Variants in TXNDC16 observed in about 807,000 individuals in gnomAD.
The protein encoded by TXNDC16 is thioredoxin domain-containing protein 16.
Under a neutral mutation model 85.6 loss-of-function variants are expected in TXNDC16, and 74 were observed. That is an observed-to-expected ratio of 0.86 (90% CI 0.72 to 1.05). The LOEUF is 1.05. TXNDC16 is among the 50% of genes least tolerant of loss of function. The pLI is 0.00. For missense variants in TXNDC16, 959 were observed against 947.0 expected (o/e 1.01, Z -0.17); for synonymous variants, 335 against 326.5 (o/e 1.03, Z -0.28).
chr14:52,440,652 C>T lies in TXNDC16; in HGVS notation c.1915G>A (p.Gly639Ser), dbSNP rs373540762. The change falls in exon 19 of 21, where the codon GGC (glycine) becomes AGC (serine). Residue 639 changes from glycine to serine, a missense_variant. Physicochemically the swap from Gly to Ser is moderately conservative, Grantham distance 56. Coordinates refer to ENST00000281741, the MANE Select transcript of TXNDC16 (RefSeq NM_020784.3). Reference protein sequence around the residue: ...QKPLLILFSDGTVNPQYKKAI... With the variant: ...QKPLLILFSDSTVNPQYKKAI... ...TTTTTATACTGAGGATTTACAGTGC[C>T]ATCACTGAACAAAATCAATAATGGT... The T allele has an allele frequency of 1.1e-5, 17 of 1,610,356 alleles. No individual in the cohort carries two copies. The African/African-American group carries it at 2.1e-4, about 20-fold the overall frequency.
At chr14:52,493,785 T>TC (rs1447760442) in intron 9 of TXNDC16, among the ~76,000 whole-genome samples, 1 of 149,496 alleles carries the variant, frequency 6.7e-6, no homozygotes, top group Non-Finnish European at 1.5e-5. Flanking sequence ...TAATTAAACT[T>TC]TTTTTTTTTC....
chr14:52,491,052 A>G, intron 9 of TXNDC16, 47 bp from the exon 10 acceptor site: 1 of 1,540,324 alleles, frequency 6.5e-7, no homozygotes, highest in Non-Finnish European at 8.7e-7. Flanking sequence ...CAATATTCCA[A>G]CATTTGGATT....
intron 14 of TXNDC16, among the ~76,000 whole-genome samples, chr14:52,477,116 A>G (rs1265509249): frequency 6.6e-6 from 1 of 152,158 alleles, no homozygotes; most frequent in Non-Finnish European, 1.5e-5. Flanking sequence ...TTTTCAGACA[A>G]ACAAATGCTG....
Position 52,432,349 on chromosome 14 carries a change from T to G in TXNDC16, c.2433A>C (p.Lys811Asn). ...NRSNWFKEAE[K>N]SFRRDKELGC... ...CTAACTCTTTATCACGTCTAAATGA[T>G]TTTTCTGCTTCTTTAAACCAATTAC... The change falls in exon 21 of 21, where the codon AAA becomes AAC. Residue 811 changes from lysine (K) to asparagine (N), a missense_variant. Physicochemically the swap from Lys to Asn is moderately conservative, Grantham distance 94. Transcript: ENST00000281741. The G allele has an allele frequency of 6.2e-7, 1 of 1,613,692 alleles. No homozygotes were observed. The highest frequency in any genetic ancestry group is 8.5e-7 in the Non-Finnish European group (1 of 1,179,852).
chr14:52,524,906 G>A (rs2037292611), intron 6 of TXNDC16, among the ~76,000 whole-genome samples: 1 of 151,718 alleles, frequency 6.6e-6, no homozygotes, highest in African/African-American at 2.4e-5. Context: ...GGATCACCTG[G>A]GGTCCGGAGT....
At chr14:52,491,518 T>G (rs1294669597) in intron 9 of TXNDC16, among the ~76,000 whole-genome samples, 1 of 151,892 alleles carries the variant, frequency 6.6e-6, no homozygotes, top group Non-Finnish European at 1.5e-5. Context: ...TTAGGCATTA[T>G]AAAACTAACA....
At chr14:52,506,464 C>T (rs371337584) in intron 9 of TXNDC16, among the ~76,000 whole-genome samples, 10 of 150,626 alleles carry the variant, frequency 6.6e-5, no homozygotes, top group East Asian at 3.9e-4. Context: ...ACAGAACCAA[C>T]GACCAAAACC....
rs751619089 is a variant in TXNDC16, at chr14:52,543,406, C to T, written c.152G>A (p.Cys51Tyr). The stretch of plus-strand genomic sequence containing the variant: ...ATTTTAAAAATACTTACCAGCTTGA[C>T]AAAAATAAGCTAAAGAGGCTTTTCC... ...QPGKASLAYFCQADSPRTSVF... is the reference protein window; with the variant it reads ...QPGKASLAYFYQADSPRTSVF... The change falls in exon 3 of 21, where the codon TGT becomes TAT. Residue 51 changes from cysteine to tyrosine, a missense_variant. Physicochemically the swap from Cys to Tyr is radical, Grantham distance 194 (BLOSUM62 -2). Transcript: ENST00000281741. The T allele has an allele frequency of 1.2e-6, 2 of 1,602,018 alleles. No individual in the cohort carries two copies. The highest frequency in any genetic ancestry group is 1.7e-6 in the Non-Finnish European group (2 of 1,176,590).
chr14:52,490,364 T>C, intron 11 of TXNDC16, 27 bp downstream of exon 11: 1 of 1,519,476 alleles, frequency 6.6e-7, no homozygotes, highest in South Asian at 1.3e-5. Flanking sequence ...AAACAGATAT[T>C]GTAGAACAAT....
chr14:52,494,169 A>G (rs1047512444), intron 9 of TXNDC16, among the ~76,000 whole-genome samples: 5 of 152,022 alleles, frequency 3.3e-5, no homozygotes, highest in African/African-American at 1.2e-4. Context: ...AAAGTACTCA[A>G]TAACTTGAGT....
At chr14:52,534,888 A>C (rs535842912) in intron 6 of TXNDC16, among the ~76,000 whole-genome samples, 1 of 152,280 alleles carries the variant, frequency 6.6e-6, no homozygotes, top group East Asian at 1.9e-4. Flanking sequence ...GTGTTCTATA[A>C]ATCAGCATTA....
Position 52,458,288 on chromosome 14 carries a change from G to A in TXNDC16, c.1619-1114C>T, listed in dbSNP as rs576515291. 2.0e-5 allele frequency among the ~76,000 whole-genome samples: 3 copies of A among 152,312 alleles called. 1 individual carries two copies. Among genetic ancestry groups the A allele is most frequent in the South Asian group, 4.1e-4 (2 of 4,828 alleles). ...TTAATGAGACAACTGGCCAGGTGCG[G>A]TAGCTCACGCCTGTAATCCCAGCAC... On this transcript the variant is annotated intron_variant, in intron 16 of 20. Transcript: ENST00000281741.
At chr14:52,519,357 T>C (rs923159240) in intron 6 of TXNDC16, 64 bp from the exon 7 acceptor site, 96 of 1,291,826 alleles carry the variant, frequency 7.4e-5, no homozygotes, top group Non-Finnish European at 1.0e-4. Flanking sequence ...ACCACACTTC[T>C]GTTAAAGAAC....
At chr14:52,508,233 A>G (rs2036862886) in intron 9 of TXNDC16, among the ~76,000 whole-genome samples, 1 of 152,080 alleles carries the variant, frequency 6.6e-6, no homozygotes. Flanking sequence ...AAAACAAACA[A>G]CCCCATCAAC....
chr14:52,451,124 G>A (rs755702326), intron 18 of TXNDC16, among the ~76,000 whole-genome samples: 10 of 151,672 alleles, frequency 6.6e-5, no homozygotes, highest in Non-Finnish European at 1.0e-4. Context: ...TGAGGGGAAG[G>A]GTAAAAGGAG....
chr14:52,519,128 A>G, intron 7 of TXNDC16, 44 bp downstream of exon 7: 1 of 1,571,592 alleles, frequency 6.4e-7, no homozygotes, highest in Non-Finnish European at 8.6e-7. Context: ...AACATACATA[A>G]GTACAGAGGC....
chr14:52,468,789 C>G (rs955662166), intron 16 of TXNDC16, among the ~76,000 whole-genome samples: 1 of 150,994 alleles, frequency 6.6e-6, no homozygotes, highest in Non-Finnish European at 1.5e-5. Flanking sequence ...AGGTGGGAGG[C>G]TCACTTAAGC....
chr14:52,527,114 G>C (rs1272836643), intron 6 of TXNDC16, among the ~76,000 whole-genome samples: 1 of 152,174 alleles, frequency 6.6e-6, no homozygotes, highest in Non-Finnish European at 1.5e-5. Flanking sequence ...GTTTCCCTGA[G>C]TTCTGTGAGC....
chr14:52,441,004 A>G (rs1204818179), intron 18 of TXNDC16, among the ~76,000 whole-genome samples: 1 of 152,206 alleles, frequency 6.6e-6, no homozygotes, highest in African/African-American at 2.4e-5. Flanking sequence ...TAACACTTCT[A>G]ATAATTTATT....
Sources: gnomAD v4.1 joint callset for allele counts (sites outside exome capture counted in the v4.1 genomes callset) on GRCh38, gnomAD v4.1.1 for gene constraint, MANE v1.5 for transcripts, NCBI Gene and HGNC (gene_info 2026-07-23, HGNC 2026-07-21) for gene names.